The following PRKAR2A variants were observed in gnomAD, a reference collection of about 807,000 sequenced individuals.
PRKAR2A encodes protein kinase cAMP-dependent type II regulatory subunit alpha, also known as cAMP-dependent protein kinase type II-alpha regulatory subunit.
In PRKAR2A, 29 loss-of-function variants were observed where a neutral mutation model predicts 51.9. The observed-to-expected ratio is 0.56, with a 90% CI of 0.42 to 0.76. The LOEUF (loss-of-function observed/expected upper bound fraction) is 0.76. Ranked by LOEUF, PRKAR2A falls within the 30% of genes least tolerant of loss-of-function variation. PRKAR2A has a pLI of 0.00. For synonymous variants in PRKAR2A, 178 were observed against 186.2 expected (o/e 0.96, Z 0.36); for missense variants, 445 against 512.1 (o/e 0.87, Z 1.26).
rs1473968322 is a variant in PRKAR2A at position 48,847,130 on chromosome 3, G to T, written c.262+205C>A. ...GACAAATCACTCGGTGCGCTCTAGG[G>T]CTCGCAGGATCGCGGAGCTCAATTT... On this transcript the variant is annotated intron_variant, in intron 1 of 10. Coordinates refer to ENST00000265563, the MANE Select transcript of PRKAR2A (RefSeq NM_004157.4). The surrounding 1 kb of genome is among the most constrained non-coding windows in gnomAD (Gnocchi z 4.4). Among the ~76,000 whole-genome samples, 4 of 152,188 alleles carry T rather than the reference G, an allele frequency of 2.6e-5. No homozygotes were observed. In the East Asian group the frequency reaches 7.7e-4, roughly 29 times the overall value.
In PRKAR2A at chr3:48,847,510, G is replaced by A. The variant is rs762768392; in HGVS notation, c.87C>T (p.Leu29=). The change falls in exon 1 of 11, where the codon CTC becomes CTT. Residue 29 remains leucine (L), a synonymous_variant. Coordinates refer to ENST00000265563, the MANE Select transcript of PRKAR2A (RefSeq NM_004157.4). The surrounding 1 kb of genome is among the most constrained non-coding windows in gnomAD (Gnocchi z 4.4). Reference sequence around the variant, plus strand: ...TGAAGTACTCCACTGCGAATTCGACGAGGTCAGGCGGCTGCTGTCGCAGCA... The same window carrying A: ...TGAAGTACTCCACTGCGAATTCGACAAGGTCAGGCGGCTGCTGTCGCAGCA... ...VEVLRQQPPD[L]VEFAVEYFTR... 11 of 1,558,848 alleles carry A rather than the reference G, an allele frequency of 7.1e-6. No individual in the cohort carries two copies. The South Asian group carries it at 1.2e-4, about 17-fold the overall frequency.
intron 4 of PRKAR2A, among the ~76,000 whole-genome samples, chr3:48,786,678 G>A (rs937952967): frequency 1.3e-5 from 2 of 151,486 alleles, no homozygotes; most frequent in Non-Finnish European, 1.5e-5. Flanking sequence ...ATAACTTGGG[G>A]GAAAAGGTCA....
At chr3:48,803,871 T>G (rs1411262299) in intron 2 of PRKAR2A, among the ~76,000 whole-genome samples, 1 of 152,170 alleles carries the variant, frequency 6.6e-6, no homozygotes, top group Admixed American at 6.5e-5. Flanking sequence ...GGCTAAAGCA[T>G]GAGAATCATT....
chr3:48,847,590 G>T lies in PRKAR2A; in HGVS notation c.7C>A (p.His3Asn). The change falls in exon 1 of 11, where the codon CAC (histidine) becomes AAC (asparagine). Residue 3 changes from histidine (H) to asparagine (N), a missense_variant. Transcript: ENST00000265563. This position sits in a 1 kb window ranked among gnomAD's most constrained non-coding sequence, Gnocchi z 4.4. MSHIQIPPGLTEL... is the reference protein window; with the variant it reads MSNIQIPPGLTEL... ...GTGAGCCCCGGCGGGATCTGGATGT[G>T]GCTCATGCCGGCGGCGGCCGAAGGG... 6.7e-7 allele frequency: 1 copy of T among 1,496,074 alleles called. No homozygotes were observed. The highest frequency in any genetic ancestry group is 8.9e-7 in the Non-Finnish European group (1 of 1,129,578). 92.7% of individuals were successfully genotyped at this position (1,496,074 alleles called of 1,614,324 possible). A position where few individuals can be genotyped will look rare whatever the true frequency, so the allele number is the denominator to read the frequency against.
chr3:48,846,993 T>G (rs959955227), intron 1 of PRKAR2A, among the ~76,000 whole-genome samples: 3 of 152,242 alleles, frequency 2.0e-5, no homozygotes, highest in Non-Finnish European at 4.4e-5. Flanking sequence ...CACAAGTCAC[T>G]GGATGAGAAC....
At chr3:48,816,018 C>CAAA (rs748275352) in intron 1 of PRKAR2A, among the ~76,000 whole-genome samples, 11 of 51,442 alleles carry the variant, frequency 2.1e-4, no homozygotes, top group East Asian at 7.7e-4. Flanking sequence ...GACTCCATCT[C>CAAA]AAAAAAAAAA....
At chr3:48,842,140 G>A (rs1421688322) in intron 1 of PRKAR2A, among the ~76,000 whole-genome samples, 1 of 152,124 alleles carries the variant, frequency 6.6e-6, no homozygotes, top group Non-Finnish European at 1.5e-5. Context: ...TCCCTTGTAA[G>A]TTGGATTCCT....
intron 1 of PRKAR2A, among the ~76,000 whole-genome samples, chr3:48,832,303 A>AC (rs1209033820): frequency 6.6e-6 from 1 of 150,690 alleles, no homozygotes; most frequent in Non-Finnish European, 1.5e-5. Context: ...TCTCAAAAAA[A>AC]AAAAAAACAA....
chr3:48,760,771 G>A (rs1346934719), intron 8 of PRKAR2A, among the ~76,000 whole-genome samples: 3 of 150,718 alleles, frequency 2.0e-5, no homozygotes, highest in Non-Finnish European at 4.4e-5. Context: ...GGAGGCGGGG[G>A]TGGTGGTGAG....
Position 48,847,457 on chromosome 3 carries a change from G to A in PRKAR2A, c.140C>T (p.Ala47Val), listed in dbSNP as rs916215824. ...FTRLREARAP[A>V]SVLPAATPRQ... is the part of the protein sequence containing the mutation. ...TGGGGTGGCGGCGGGCAGGACTGAG[G>A]CTGGGGCGCGGGCCTCGCGCAGGCG... Residue 47 changes from alanine to valine, a missense_variant, in exon 1 of 11, where the codon GCC becomes GTC. Coordinates refer to ENST00000265563, the MANE Select transcript of PRKAR2A (RefSeq NM_004157.4). The surrounding 1 kb of genome is among the most constrained non-coding windows in gnomAD (Gnocchi z 4.4). 3 of 1,572,852 alleles carry A rather than the reference G, an allele frequency of 1.9e-6. No individual in the cohort carries two copies. In the East Asian group the frequency reaches 7.1e-5, roughly 37 times the overall value.
intron 6 of PRKAR2A, among the ~76,000 whole-genome samples, chr3:48,766,548 A>G (rs575697170): frequency 4.6e-5 from 7 of 152,278 alleles, no homozygotes; most frequent in African/African-American, 7.2e-5. Flanking sequence ...CCTGGGTGAC[A>G]TAAGTTGAAA....
At position 48,751,363 on chromosome 3, in the gene PRKAR2A, G is replaced by A; in HGVS notation, c.*222C>T. On this transcript the variant is annotated 3_prime_UTR_variant, in exon 11 of 11. Transcript: ENST00000265563. ...TGGGTTGGAGTAATCTTTACAAGTGGTCTAATGAATGGGCCTTCAGAAGCA... is the reference window on the plus strand; with the variant it reads ...TGGGTTGGAGTAATCTTTACAAGTGATCTAATGAATGGGCCTTCAGAAGCA... The A allele has an allele frequency of 1.4e-6, 1 of 691,806 alleles. No individual in the cohort carries two copies. The highest frequency in any genetic ancestry group is 1.8e-5 in the African/African-American group (1 of 57,012). 42.9% of individuals were successfully genotyped at this position (691,806 alleles called of 1,614,324 possible). A position where few individuals can be genotyped will look rare whatever the true frequency, so the allele number is the denominator to read the frequency against.
chr3:48,792,455 CTTTTTT>C (rs983032500), intron 3 of PRKAR2A, among the ~76,000 whole-genome samples: 73 of 66,812 alleles, frequency 1.1e-3, no homozygotes, highest in Non-Finnish European at 1.6e-3. Context: ...AAGGTTTAAT[CTTTTTT>C]TTTTTTTTTT....
At chr3:48,805,927 AAACT>A (rs973557202) in intron 2 of PRKAR2A, among the ~76,000 whole-genome samples, 9 of 152,348 alleles carry the variant, frequency 5.9e-5, no homozygotes, top group East Asian at 3.9e-4. Flanking sequence ...AGGGCCAAAC[AAACT>A]AACACCAACT....
intron 5 of PRKAR2A, among the ~76,000 whole-genome samples, chr3:48,777,921 G>A (rs1005492972): frequency 2.6e-5 from 4 of 152,046 alleles, no homozygotes; most frequent in South Asian, 2.1e-4. Context: ...TGTTTTTAGC[G>A]TCTCCTCCAG....
In PRKAR2A at chr3:48,847,127, A is replaced by G. The variant is rs2083476326; in HGVS notation, c.262+208T>C. Among the ~76,000 whole-genome samples, 4 of 152,206 alleles carry G rather than the reference A, an allele frequency of 2.6e-5. No homozygotes were observed. Among genetic ancestry groups the G allele is most frequent in the Middle Eastern group, 3.2e-3 (1 of 316 alleles). On this transcript the variant is annotated intron_variant, in intron 1 of 10. Transcript: ENST00000265563. This position sits in a 1 kb window ranked among gnomAD's most constrained non-coding sequence, Gnocchi z 4.4. ...TCTGACAAATCACTCGGTGCGCTCT[A>G]GGGCTCGCAGGATCGCGGAGCTCAA...
At chr3:48,838,588 C>G (rs980391150) in intron 1 of PRKAR2A, among the ~76,000 whole-genome samples, 8 of 147,372 alleles carry the variant, frequency 5.4e-5, no homozygotes, top group African/African-American at 2.0e-4. Flanking sequence ...GCCTGAGCAA[C>G]AGAGAGAGAC....
intron 7 of PRKAR2A, 77 bp downstream of exon 7, chr3:48,765,171 T>G: frequency 6.5e-7 from 1 of 1,548,098 alleles, no homozygotes; most frequent in Non-Finnish European, 8.9e-7. Flanking sequence ...ATAGTATGAT[T>G]TGAAAACCTA....
At chr3:48,791,655 C>T (rs2082390290) in intron 3 of PRKAR2A, among the ~76,000 whole-genome samples, 2 of 148,798 alleles carry the variant, frequency 1.3e-5, no homozygotes, top group South Asian at 4.2e-4. Context: ...CCAGGTAATC[C>T]CAGCACTTTG....
Sources: allele counts gnomAD v4.1 joint callset (sites outside exome capture counted in the v4.1 genomes callset), GRCh38; gene constraint gnomAD v4.1.1; non-coding constraint Gnocchi (gnomAD v3.1); transcripts MANE v1.5; gene names NCBI Gene and HGNC (gene_info 2026-07-23, HGNC 2026-07-21).